Variants in PDE1C observed in about 807,000 individuals in gnomAD.
The protein encoded by PDE1C is dual specificity calcium/calmodulin-dependent 3',5'-cyclic nucleotide phosphodiesterase 1C.
A neutral mutation model predicts 93.1 loss-of-function variants in PDE1C; 62 were observed. The observed-to-expected ratio is 0.67, with a 90% CI of 0.54 to 0.82. PDE1C has a LOEUF of 0.82. Ranked by LOEUF, PDE1C falls within the 40% of genes least tolerant of loss-of-function variation. The pLI, the probability that PDE1C is intolerant of heterozygous loss-of-function variation, is 0.00. For missense variants in PDE1C, 742 were observed against 884.6 expected (o/e 0.84, Z 2.04); for synonymous variants, 325 against 310.1 (o/e 1.05, Z -0.50).
At chr7:32,176,058 G>A (rs1376964996) in intron 2 of PDE1C, among the ~76,000 whole-genome samples, 2 of 152,182 alleles carry the variant, frequency 1.3e-5, no homozygotes, top group African/African-American at 4.8e-5. Context: ...TGTTGAATAA[G>A]ATCTTTGACA....
At chr7:31,877,892 C>T (rs1382043075) in intron 5 of PDE1C, 78 bp downstream of exon 5, 4 of 850,264 alleles carry the variant, frequency 4.7e-6, no homozygotes, top group African/African-American at 1.7e-5. Context: ...TAAATGAAAG[C>T]CTCTTATTTT....
At chr7:32,320,079 A>G (rs1783257240) in intron 1 of PDE1C, among the ~76,000 whole-genome samples, 1 of 152,128 alleles carries the variant, frequency 6.6e-6, no homozygotes, top group Non-Finnish European at 1.5e-5. Context: ...GTGAACATTA[A>G]TTTGTCACAC....
the PDE1C span, among the ~76,000 whole-genome samples, chr7:31,625,149 A>T: frequency 6.6e-6 from 1 of 152,156 alleles, no homozygotes; most frequent in Non-Finnish European, 1.5e-5. Context: ...ATGTGGAGAA[A>T]TAGGAACACT....
At chr7:31,873,888 T>C (rs1010132798) in intron 5 of PDE1C, among the ~76,000 whole-genome samples, 1 of 152,234 alleles carries the variant, frequency 6.6e-6, no homozygotes, top group Non-Finnish European at 1.5e-5. Flanking sequence ...CACTACAGCC[T>C]ACGATGCTTC....
intron 16 of PDE1C, among the ~76,000 whole-genome samples, chr7:31,798,244 T>G (rs571172536): frequency 8.6e-5 from 13 of 151,866 alleles, no homozygotes; most frequent in Admixed American, 8.5e-4. Flanking sequence ...CAAGTATTCA[T>G]TTCAGTGTCA....
At chr7:32,068,839 C>T (rs1273030277) in intron 1 of PDE1C, among the ~76,000 whole-genome samples, 1 of 152,210 alleles carries the variant, frequency 6.6e-6, no homozygotes, top group East Asian at 1.9e-4. Flanking sequence ...CTCGACAACG[C>T]TTTCACATTA....
At chr7:32,361,307 G>A (rs1784132708) in intron 1 of PDE1C, among the ~76,000 whole-genome samples, 1 of 152,180 alleles carries the variant, frequency 6.6e-6, no homozygotes, top group Admixed American at 6.5e-5. Context: ...ATGAGATGCT[G>A]GAGACAGCAT....
rs71559204 is a variant in PDE1C at position 31,794,089 on chromosome 7, C to CAGATAGAT, written c.1891+14934_1891+14941dup. 3.2e-4 allele frequency among the ~76,000 whole-genome samples: 43 copies of CAGATAGAT among 136,126 alleles called. 2 individuals carry two copies. The highest frequency in any genetic ancestry group is 1.2e-3 in the African/African-American group (41 of 33,150). The allele number at this position is 136,126 out of a possible 152,430, so 89.3% of individuals were successfully genotyped here. On this transcript the variant is annotated intron_variant, in intron 16 of 17. Coordinates refer to ENST00000396191, the MANE Select transcript of PDE1C (RefSeq NM_001191057.4). ...ACAGACAGACAGACAGACAGACAGACAGATAGATAGACAGATAGATGGGCA... is the reference window on the plus strand; with the variant it reads ...ACAGACAGACAGACAGACAGACAGACAGATAGATAGATAGATAGACAGATAGATGGGCA...
At chr7:31,854,429 G>T (rs934591412) in intron 7 of PDE1C, among the ~76,000 whole-genome samples, 1 of 152,142 alleles carries the variant, frequency 6.6e-6, no homozygotes, top group Admixed American at 6.5e-5. Flanking sequence ...TGGTGGCAAG[G>T]TACAAGTCAC....
At chr7:32,031,754 T>A (rs1790350859) in intron 2 of PDE1C, among the ~76,000 whole-genome samples, 1 of 151,956 alleles carries the variant, frequency 6.6e-6, no homozygotes, top group Admixed American at 6.6e-5. Context: ...GCTGGACACA[T>A]GTGAATGTGA....
intron 1 of PDE1C, among the ~76,000 whole-genome samples, chr7:32,313,419 T>G (rs561143893): frequency 6.6e-6 from 1 of 151,976 alleles, no homozygotes; most frequent in African/African-American, 2.4e-5. Flanking sequence ...ACCCAAAGGA[T>G]TATAAATCAT....
chr7:31,702,064 A>G, the PDE1C span, among the ~76,000 whole-genome samples: 1 of 152,210 alleles, frequency 6.6e-6, no homozygotes, highest in South Asian at 2.1e-4. Flanking sequence ...TGTATAACCC[A>G]GATCTGATCT....
At chr7:32,287,380 C>T (rs1343573043) in intron 1 of PDE1C, among the ~76,000 whole-genome samples, 1 of 152,202 alleles carries the variant, frequency 6.6e-6, no homozygotes, top group African/African-American at 2.4e-5. Flanking sequence ...GCTCTCCCAT[C>T]GCCTCCCCAA....
chr7:32,425,587 T>C (rs1156245132), intron 1 of PDE1C, among the ~76,000 whole-genome samples: 5 of 152,112 alleles, frequency 3.3e-5, no homozygotes, highest in Admixed American at 3.3e-4. Context: ...TCAATGAAAA[T>C]TGCTAGAAAT....
At chr7:32,356,913 C>T (rs1159047715) in intron 1 of PDE1C, among the ~76,000 whole-genome samples, 3 of 152,162 alleles carry the variant, frequency 2.0e-5, no homozygotes, top group African/African-American at 4.8e-5. Flanking sequence ...TGCATGTGCA[C>T]CAGATGAAGA....
intron 2 of PDE1C, among the ~76,000 whole-genome samples, chr7:31,923,698 G>A (rs1400452230): frequency 1.3e-5 from 2 of 152,170 alleles, no homozygotes; most frequent in Admixed American, 6.5e-5. Context: ...GATTTGGGTT[G>A]TGCACCGTGG....
At chr7:32,308,451 C>A (rs889173966) in intron 1 of PDE1C, among the ~76,000 whole-genome samples, 1 of 149,150 alleles carries the variant, frequency 6.7e-6, no homozygotes, top group Non-Finnish European at 1.5e-5. Context: ...GGGTCCTTGA[C>A]CCCTGAGCAG....
At chr7:32,398,940 G>C (rs1317368903) in intron 1 of PDE1C, among the ~76,000 whole-genome samples, 1 of 152,130 alleles carries the variant, frequency 6.6e-6, no homozygotes, top group East Asian at 1.9e-4. Context: ...TTTTCCTCTT[G>C]CTAGACATTT....
the PDE1C span, among the ~76,000 whole-genome samples, chr7:31,663,032 T>A: frequency 6.6e-6 from 1 of 152,084 alleles, no homozygotes; most frequent in Non-Finnish European, 1.5e-5. Context: ...CCATCCAAAT[T>A]CCTTTTCAAA....
Sources: allele counts gnomAD v4.1 joint callset (sites outside exome capture counted in the v4.1 genomes callset), GRCh38; gene constraint gnomAD v4.1.1; transcripts MANE v1.5; gene names NCBI Gene and HGNC (gene_info 2026-07-23, HGNC 2026-07-21).